Variants in WWOX observed in about 807,000 individuals in gnomAD.
The protein encoded by WWOX is WW domain containing oxidoreductase.
In WWOX, 69 loss-of-function variants were observed where a neutral mutation model predicts 46.2. The observed-to-expected ratio is 1.49, with a 90% CI of 1.23 to 1.82. The LOEUF is 1.82. Ranked by LOEUF, WWOX falls within the 40% of genes most tolerant of loss-of-function variation. The pLI is 0.00. For synonymous variants in WWOX, 359 were observed against 202.6 expected (o/e 1.77, Z -6.56); for missense variants, 919 against 542.6 (o/e 1.69, Z -6.89).
intron 8 of WWOX, among the ~76,000 whole-genome samples, chr16:78,652,774 T>G (rs2046995439): frequency 6.6e-6 from 1 of 152,234 alleles, no homozygotes; most frequent in East Asian, 1.9e-4. Context: ...CAGATATTTC[T>G]TTAATACGTG....
chr16:79,115,882 T>A (rs1452854841), intron 8 of WWOX, among the ~76,000 whole-genome samples: 1 of 152,206 alleles, frequency 6.6e-6, no homozygotes, highest in Non-Finnish European at 1.5e-5. Context: ...TATTTTTTAA[T>A]GAATTTTTCT....
intron 8 of WWOX, among the ~76,000 whole-genome samples, chr16:79,153,540 A>G (rs2150736288): frequency 6.6e-6 from 1 of 152,256 alleles, no homozygotes; most frequent in Middle Eastern, 3.4e-3. Context: ...GGAAATTCGG[A>G]CTGTGGATTA....
At chr16:78,938,674 GA>G (rs1229581881) in intron 8 of WWOX, among the ~76,000 whole-genome samples, 1 of 152,142 alleles carries the variant, frequency 6.6e-6, no homozygotes, top group Non-Finnish European at 1.5e-5. Flanking sequence ...AACTAATGGG[GA>G]GATAGCAATG....
chr16:79,166,334 T>A (rs2050594025), intron 8 of WWOX, among the ~76,000 whole-genome samples: 4 of 152,194 alleles, frequency 2.6e-5, no homozygotes. Flanking sequence ...AGGATGGAAT[T>A]ACATTATTTC....
intron 8 of WWOX, among the ~76,000 whole-genome samples, chr16:78,883,679 A>C (rs140207707): frequency 6.6e-6 from 1 of 151,834 alleles, no homozygotes; most frequent in Non-Finnish European, 1.5e-5. Flanking sequence ...AGTTGAGATC[A>C]TGCTACTGTA....
intron 8 of WWOX, among the ~76,000 whole-genome samples, chr16:78,704,740 A>G (rs765367828): frequency 1.4e-4 from 21 of 152,128 alleles, no homozygotes; most frequent in Non-Finnish European, 2.6e-4. Context: ...AATTCTGGAA[A>G]TGCTCTATTA....
At chr16:79,204,287 A>G (rs2051436886) in intron 8 of WWOX, 1 of 152,132 alleles carries the variant, frequency 6.6e-6, no homozygotes, top group African/African-American at 2.4e-5. Flanking sequence ...TTCTAATGAG[A>G]CAGCCTCTCA....
chr16:78,115,396 T>A (rs965498243), intron 4 of WWOX, among the ~76,000 whole-genome samples: 3 of 152,216 alleles, frequency 2.0e-5, no homozygotes, highest in Non-Finnish European at 4.4e-5. Context: ...GTGGCTATTT[T>A]GGTATTCAGG....
chr16:78,424,923 T>C lies in WWOX; in HGVS notation c.659T>C (p.Leu220Pro), dbSNP rs776409839. The C allele has an allele frequency of 6.2e-7, 1 of 1,614,182 alleles. No homozygotes were observed. The highest frequency in any genetic ancestry group is 2.2e-5 in the East Asian group (1 of 44,866). The change falls in exon 7 of 9, where the codon CTC becomes CCC. Residue 220 changes from leucine to proline, a missense_variant. Physicochemically the swap from Leu to Pro is moderately conservative, Grantham distance 98 (BLOSUM62 -3). Coordinates refer to ENST00000566780, the MANE Select transcript of WWOX (RefSeq NM_016373.4). The part of the protein sequence containing the change: ...NAATFALPWS[L>P]TKDGLETTFQ... ...GCAACTTTTGCTCTACCCTGGAGTC[T>C]CACCAAAGATGGCCTGGAGACCACC...
chr16:78,566,224 C>G (rs184895232), intron 8 of WWOX, among the ~76,000 whole-genome samples: 1 of 152,148 alleles, frequency 6.6e-6, no homozygotes, highest in Non-Finnish European at 1.5e-5. Context: ...TTAGTCACCT[C>G]CCAAAGCCCC....
intron 8 of WWOX, among the ~76,000 whole-genome samples, chr16:79,065,996 T>C (rs2048434247): frequency 6.6e-6 from 1 of 152,254 alleles, no homozygotes; most frequent in African/African-American, 2.4e-5. Context: ...AACATTTCCC[T>C]ACTGCCTTGG....
At chr16:79,120,686 G>A (rs539207212) in intron 8 of WWOX, among the ~76,000 whole-genome samples, 146 of 152,136 alleles carry the variant, frequency 9.6e-4, no homozygotes, top group Non-Finnish European at 1.7e-3. Flanking sequence ...TCCTTAACTG[G>A]TGGTCACATT....
At chr16:78,597,111 A>C (rs2045509600) in intron 8 of WWOX, among the ~76,000 whole-genome samples, 1 of 152,086 alleles carries the variant, frequency 6.6e-6, no homozygotes, top group Admixed American at 6.6e-5. Context: ...TCTTTGTGAA[A>C]ACTGCTCCTG....
chr16:78,478,409 C>T (rs1444306203), intron 8 of WWOX, among the ~76,000 whole-genome samples: 4 of 152,068 alleles, frequency 2.6e-5, no homozygotes, highest in Non-Finnish European at 4.4e-5. Context: ...GCATGAATGG[C>T]CATATTTACC....
chr16:78,328,532 G>A (rs1171088074), intron 5 of WWOX, among the ~76,000 whole-genome samples: 2 of 152,198 alleles, frequency 1.3e-5, no homozygotes, highest in Non-Finnish European at 2.9e-5. Context: ...ATGCTGCAAA[G>A]GGTTAGTACT....
At chr16:78,999,889 C>G (rs1187259445) in intron 8 of WWOX, among the ~76,000 whole-genome samples, 2 of 152,094 alleles carry the variant, frequency 1.3e-5, no homozygotes, top group Non-Finnish European at 2.9e-5. Context: ...AAAAGAGTTA[C>G]TGTAATGATT....
chr16:78,148,771 G>A (rs1007443522), intron 4 of WWOX, among the ~76,000 whole-genome samples: 3 of 151,846 alleles, frequency 2.0e-5, no homozygotes, highest in Admixed American at 1.3e-4. Flanking sequence ...GGTGGCGGGC[G>A]CCTGTAGTCC....
chr16:78,201,807 C>T (rs1473128790), intron 5 of WWOX, among the ~76,000 whole-genome samples: 2 of 152,010 alleles, frequency 1.3e-5, no homozygotes, highest in East Asian at 3.9e-4. Flanking sequence ...TCAAGTGATT[C>T]TCTTGCCTCA....
intron 8 of WWOX, among the ~76,000 whole-genome samples, chr16:78,808,230 G>A (rs7197008): frequency 1.3e-5 from 2 of 152,116 alleles, no homozygotes; most frequent in East Asian, 3.9e-4. Context: ...TACCCATAGG[G>A]ACCCTGAACC....
Sources: allele counts gnomAD v4.1 joint callset (sites outside exome capture counted in the v4.1 genomes callset), GRCh38; gene constraint gnomAD v4.1.1; transcripts MANE v1.5; gene names NCBI Gene and HGNC (gene_info 2026-07-23, HGNC 2026-07-21).